MSRA: variants seen among roughly 807,000 people sequenced by gnomAD.
MSRA encodes methionine sulfoxide reductase A, also known as mitochondrial peptide methionine sulfoxide reductase.
Under a neutral mutation model 31.3 loss-of-function variants are expected in MSRA, and 54 were observed. The ratio of observed to expected loss-of-function variants is 1.73; its 90% CI spans 1.39 to 2.17. The LOEUF (loss-of-function observed/expected upper bound fraction) is 2.17. Among genes scored for constraint, MSRA ranks in the 30% most tolerant of loss-of-function variants. The pLI, the probability that MSRA is intolerant of heterozygous loss-of-function variation, is 0.00. For synonymous variants in MSRA, 169 were observed against 116.5 expected (o/e 1.45, Z -2.90); for missense variants, 507 against 300.9 (o/e 1.69, Z -5.07).
rs558876336 is a variant in MSRA, at chr8:10,116,910, G to C, written c.142+62252G>C. 7.2e-5 allele frequency among the ~76,000 whole-genome samples: 11 copies of C among 152,258 alleles called. No individual in the cohort carries two copies. In the East Asian group the frequency reaches 2.1e-3, roughly 29 times the overall value. Reference sequence around the variant, plus strand: ...GAACCTGGGAAGTGGAGGTTGCGGTGAGCCAAGATTGCGCCATTGCACTCT... The same window carrying C: ...GAACCTGGGAAGTGGAGGTTGCGGTCAGCCAAGATTGCGCCATTGCACTCT... On this transcript the variant is annotated intron_variant, in intron 1 of 5. Transcript: ENST00000317173.
At chr8:10,425,036 G>A (rs1186870527) in intron 5 of MSRA, among the ~76,000 whole-genome samples, 1 of 152,182 alleles carries the variant, frequency 6.6e-6, no homozygotes, top group Non-Finnish European at 1.5e-5. Flanking sequence ...GTGAGGCAGC[G>A]GACGAAGGGG....
Position 10,054,378 on chromosome 8 carries a change from A to T in MSRA, c.-139A>T. 1 of 836,364 alleles carries T rather than the reference A, an allele frequency of 1.2e-6. No individual in the cohort carries two copies. The highest frequency in any genetic ancestry group is 1.6e-6 in the Non-Finnish European group (1 of 625,004). 51.8% of individuals were successfully genotyped at this position (836,364 alleles called of 1,614,324 possible). ...ATTACGGGCGGCCTCCAGCCCCGCC[A>T]GCAGCGCCCCGCGCCCGCCCGCCCG... On this transcript the variant is annotated 5_prime_UTR_variant, in exon 1 of 6. Coordinates refer to ENST00000317173, the MANE Select transcript of MSRA (RefSeq NM_012331.5).
intron 1 of MSRA, among the ~76,000 whole-genome samples, chr8:10,104,898 C>T (rs1002659497): frequency 2.0e-5 from 3 of 152,154 alleles, no homozygotes; most frequent in African/African-American, 7.2e-5. Flanking sequence ...ATTTATATTC[C>T]TGTGCTAGAG....
At chr8:10,335,919 G>A (rs74864701) in intron 5 of MSRA, among the ~76,000 whole-genome samples, 2,170 of 152,208 alleles carry the variant, frequency 0.014, 49 homozygotes, top group African/African-American at 0.05. Context: ...CACATGATAC[G>A]TACATGGGGG....
intron 2 of MSRA, among the ~76,000 whole-genome samples, chr8:10,237,824 C>T (rs1176435743): frequency 6.6e-6 from 1 of 152,240 alleles, no homozygotes; most frequent in Admixed American, 6.5e-5. Flanking sequence ...TGACCCATGA[C>T]TTCCTCCACC....
chr8:10,147,544 G>A (rs375922863), intron 1 of MSRA, among the ~76,000 whole-genome samples: 8 of 152,182 alleles, frequency 5.3e-5, no homozygotes, highest in Non-Finnish European at 8.8e-5. Flanking sequence ...TGTCTCCTAC[G>A]GGTGACGCCA....
intron 3 of MSRA, among the ~76,000 whole-genome samples, chr8:10,267,729 A>T (rs1419847478): frequency 6.6e-6 from 1 of 152,146 alleles, no homozygotes; most frequent in Non-Finnish European, 1.5e-5. Flanking sequence ...GTCTCTCCCG[A>T]CACCAATTTC....
At chr8:10,185,097 C>A (rs1806901656) in intron 1 of MSRA, among the ~76,000 whole-genome samples, 1 of 152,186 alleles carries the variant, frequency 6.6e-6, no homozygotes, top group South Asian at 2.1e-4. Context: ...TCTCTCAAGG[C>A]TGAAGGGCTG....
chr8:10,204,938 C>G (rs1451404228), intron 1 of MSRA, among the ~76,000 whole-genome samples: 5 of 152,204 alleles, frequency 3.3e-5, no homozygotes, highest in African/African-American at 1.2e-4. Context: ...CCTGTACAAA[C>G]AGTGGCATAA....
chr8:10,281,881 G>A (rs1012735051), intron 3 of MSRA, among the ~76,000 whole-genome samples: 1 of 152,256 alleles, frequency 6.6e-6, no homozygotes, highest in Non-Finnish European at 1.5e-5. Flanking sequence ...TCTTAGCCAC[G>A]TTTCTAATTA....
chr8:10,275,988 G>A (rs372326094), intron 3 of MSRA, among the ~76,000 whole-genome samples: 34 of 152,340 alleles, frequency 2.2e-4, no homozygotes, highest in Non-Finnish European at 3.2e-4. Flanking sequence ...CTCTGGTACT[G>A]GGGGTTTAAG....
chr8:10,204,211 A>G (rs1314136788), intron 1 of MSRA, among the ~76,000 whole-genome samples: 3 of 152,202 alleles, frequency 2.0e-5, no homozygotes, highest in African/African-American at 7.2e-5. Flanking sequence ...TAAAGTAAAA[A>G]ATTACAGTAG....
At chr8:10,272,503 T>A (rs926400076) in intron 3 of MSRA, among the ~76,000 whole-genome samples, 1 of 152,230 alleles carries the variant, frequency 6.6e-6, no homozygotes, top group Non-Finnish European at 1.5e-5. Context: ...TTCAACTTAC[T>A]GGGTGAGGAC....
intron 1 of MSRA, among the ~76,000 whole-genome samples, chr8:10,064,574 T>G (rs879514763): frequency 6.6e-6 from 1 of 152,192 alleles, no homozygotes; most frequent in Admixed American, 6.5e-5. Context: ...TATAAATACA[T>G]TAAAATACAA....
chr8:10,188,561 C>G (rs796636691), intron 1 of MSRA, among the ~76,000 whole-genome samples: 11 of 152,324 alleles, frequency 7.2e-5, no homozygotes, highest in African/African-American at 2.6e-4. Context: ...TAGCTACGAT[C>G]CATTTAAAGT....
At chr8:10,369,413 C>T (rs946951991) in intron 5 of MSRA, among the ~76,000 whole-genome samples, 2 of 152,148 alleles carry the variant, frequency 1.3e-5, no homozygotes, top group African/African-American at 4.8e-5. Flanking sequence ...CGAAATCAAA[C>T]ACTGAAATTT....
chr8:10,215,050 G>A (rs1353097588), intron 2 of MSRA, among the ~76,000 whole-genome samples: 1 of 152,218 alleles, frequency 6.6e-6, no homozygotes, highest in Non-Finnish European at 1.5e-5. Context: ...CATATGTTTA[G>A]AGTATGGAAG....
intron 4 of MSRA, among the ~76,000 whole-genome samples, chr8:10,312,860 A>T (rs1473326518): frequency 6.6e-6 from 1 of 152,238 alleles, no homozygotes; most frequent in Non-Finnish European, 1.5e-5. Flanking sequence ...TAAATGATTT[A>T]AAAACACATA....
intron 1 of MSRA, among the ~76,000 whole-genome samples, chr8:10,076,509 T>C (rs951844020): frequency 6.6e-6 from 1 of 152,182 alleles, no homozygotes; most frequent in Non-Finnish European, 1.5e-5. Context: ...GGGAAAAGAT[T>C]CTCTCAAAAT....
Sources: allele counts gnomAD v4.1 joint callset (sites outside exome capture counted in the v4.1 genomes callset), GRCh38; gene constraint gnomAD v4.1.1; transcripts MANE v1.5; gene names NCBI Gene and HGNC (gene_info 2026-07-23, HGNC 2026-07-21).